LDLRAD4: variants seen among roughly 807,000 people sequenced by gnomAD.
The protein encoded by LDLRAD4 is low density lipoprotein receptor class A domain containing 4, also known as low-density lipoprotein receptor class A domain-containing protein 4.
In LDLRAD4, 5 loss-of-function variants were observed where a neutral mutation model predicts 17.0. The observed-to-expected ratio is 0.29, with a 90% CI of 0.15 to 0.62. The LOEUF is 0.62. Among genes scored for constraint, LDLRAD4 ranks in the 20% least tolerant of loss-of-function variants. The pLI, the probability that LDLRAD4 is intolerant of heterozygous loss-of-function variation, is 0.84. For synonymous variants in LDLRAD4, 168 were observed against 171.8 expected (o/e 0.98, Z 0.17); for missense variants, 340 against 424.7 (o/e 0.80, Z 1.75).
intron 1 of LDLRAD4, among the ~76,000 whole-genome samples, chr18:13,380,367 C>T (rs1328275024): frequency 1.3e-5 from 2 of 152,310 alleles, no homozygotes; most frequent in East Asian, 1.9e-4. Flanking sequence ...CTCCTGTGGC[C>T]GCTGTGTGTA....
chr18:13,599,574 T>C (rs1292148908), intron 3 of LDLRAD4, among the ~76,000 whole-genome samples: 1 of 145,614 alleles, frequency 6.9e-6, no homozygotes, highest in Non-Finnish European at 1.5e-5. Context: ...CACTGCAAGC[T>C]CCACCTCCTG....
rs56141394 is a variant in LDLRAD4 at position 13,401,786 on chromosome 18, T to C, written c.40+14024T>C. Among the ~76,000 whole-genome samples, 1,365 of 152,344 alleles carry C rather than the reference T, an allele frequency of 9.0e-3. 19 individuals are homozygous for C. Among genetic ancestry groups the C allele is most frequent in the African/African-American group, 0.03 (1,255 of 41,580 alleles). On this transcript the variant is annotated intron_variant, in intron 2 of 5. Transcript: ENST00000359446. ...TAAGCTGGACCCGCCTTGGGGACTC[T>C]GAGGCTTTTTCCTTCTGTGTGGTTT... is the stretch of plus-strand genomic sequence containing the variant.
intron 3 of LDLRAD4, among the ~76,000 whole-genome samples, chr18:13,512,664 T>G (rs955822598): frequency 6.6e-6 from 1 of 152,210 alleles, no homozygotes; most frequent in Admixed American, 6.5e-5. Context: ...TGCATTTAAT[T>G]TGAGAAAATT....
chr18:13,362,023 G>A (rs2083708738), intron 1 of LDLRAD4, among the ~76,000 whole-genome samples: 1 of 152,054 alleles, frequency 6.6e-6, no homozygotes, highest in Non-Finnish European at 1.5e-5. Context: ...GTGTATGAAG[G>A]TTTGATAGGA....
At chr18:13,325,957 C>T (rs554785044) in intron 1 of LDLRAD4, among the ~76,000 whole-genome samples, 8 of 151,898 alleles carry the variant, frequency 5.3e-5, no homozygotes, top group South Asian at 2.1e-4. Context: ...TTAGTAGAGA[C>T]GGGGTTTCAC....
At chr18:13,267,860 G>A (rs911011683) in intron 1 of LDLRAD4, among the ~76,000 whole-genome samples, 3 of 152,152 alleles carry the variant, frequency 2.0e-5, no homozygotes, top group Non-Finnish European at 4.4e-5. Flanking sequence ...TTGACTTAAG[G>A]TAACATGGGC....
intron 1 of LDLRAD4, among the ~76,000 whole-genome samples, chr18:13,270,502 C>T (rs1411786229): frequency 6.6e-6 from 1 of 152,210 alleles, no homozygotes; most frequent in African/African-American, 2.4e-5. Flanking sequence ...ACAAGTGTAT[C>T]ACAGCACTGG....
chr18:13,539,170 T>C (rs759346225), intron 3 of LDLRAD4, among the ~76,000 whole-genome samples: 4 of 152,188 alleles, frequency 2.6e-5, no homozygotes, highest in African/African-American at 4.8e-5. Flanking sequence ...TAGGAAATCA[T>C]CTTTATGCCT....
At chr18:13,296,859 C>T (rs2046307637) in intron 1 of LDLRAD4, among the ~76,000 whole-genome samples, 1 of 152,176 alleles carries the variant, frequency 6.6e-6, no homozygotes, top group South Asian at 2.1e-4. Flanking sequence ...TCCACAAGGT[C>T]ATGACCACAC....
chr18:13,377,034 G>A (rs943320306), intron 1 of LDLRAD4, among the ~76,000 whole-genome samples: 1 of 152,174 alleles, frequency 6.6e-6, no homozygotes, highest in South Asian at 2.1e-4. Flanking sequence ...GCCTGGCCTT[G>A]CAGGAAGTCA....
intron 4 of LDLRAD4, among the ~76,000 whole-genome samples, chr18:13,635,830 G>A (rs1351986394): frequency 1.3e-5 from 2 of 152,212 alleles, no homozygotes; most frequent in Non-Finnish European, 2.9e-5. Flanking sequence ...CATGCTCTCC[G>A]GAGCTGCCCT....
At chr18:13,239,085 G>C (rs2042489068) in intron 1 of LDLRAD4, among the ~76,000 whole-genome samples, 2 of 151,802 alleles carry the variant, frequency 1.3e-5, no homozygotes, top group South Asian at 4.2e-4. Flanking sequence ...TACTCAGGGG[G>C]CTGAGGCAGG....
At chr18:13,469,313 A>C (rs2092707297) in intron 3 of LDLRAD4, among the ~76,000 whole-genome samples, 2 of 152,256 alleles carry the variant, frequency 1.3e-5, no homozygotes. Context: ...GCTACTATGG[A>C]AAACAGTTTG....
intron 1 of LDLRAD4, among the ~76,000 whole-genome samples, chr18:13,335,133 G>A (rs1000553598): frequency 1.6e-4 from 24 of 152,082 alleles, no homozygotes; most frequent in African/African-American, 5.8e-4. Flanking sequence ...CCTATTTTAA[G>A]TTGGTAAGTT....
intron 4 of LDLRAD4, among the ~76,000 whole-genome samples, chr18:13,623,085 A>ACAC (rs752216699): frequency 2.8e-4 from 42 of 152,294 alleles, no homozygotes; most frequent in Non-Finnish European, 5.9e-4. Context: ...TGTGTCCTGA[A>ACAC]CACCAGCACA....
chr18:13,505,761 T>G, intron 3 of LDLRAD4, among the ~76,000 whole-genome samples: 1 of 151,966 alleles, frequency 6.6e-6, no homozygotes, highest in Middle Eastern at 3.2e-3. Context: ...GAGCTTGCAG[T>G]GAGCCGAGAT....
At chr18:13,357,159 A>AAT (rs2083393416) in intron 1 of LDLRAD4, among the ~76,000 whole-genome samples, 1 of 152,150 alleles carries the variant, frequency 6.6e-6, no homozygotes, top group Non-Finnish European at 1.5e-5. Flanking sequence ...CAAAAAAACA[A>AAT]AAACAACAAC....
chr18:13,617,541 G>A (rs1244581381), intron 3 of LDLRAD4, among the ~76,000 whole-genome samples: 1 of 152,210 alleles, frequency 6.6e-6, no homozygotes, highest in East Asian at 1.9e-4. Flanking sequence ...TGGCATAAAA[G>A]TTTATAGCAT....
intron 1 of LDLRAD4, among the ~76,000 whole-genome samples, chr18:13,350,867 C>T (rs1428456486): frequency 1.3e-5 from 2 of 152,318 alleles, no homozygotes; most frequent in African/African-American, 4.8e-5. Context: ...GTTTTCCCAG[C>T]TCCATTTATT....
Sources: allele counts gnomAD v4.1 joint callset (sites outside exome capture counted in the v4.1 genomes callset), GRCh38; gene constraint gnomAD v4.1.1; transcripts MANE v1.5; gene names NCBI Gene and HGNC (gene_info 2026-07-23, HGNC 2026-07-21).